The following KLRB1 variants were observed in gnomAD, a reference collection of about 807,000 sequenced individuals.
The protein encoded by KLRB1 is killer cell lectin-like receptor subfamily B member 1.
Under a neutral mutation model 33.5 loss-of-function variants are expected in KLRB1, and 27 were observed. The observed-to-expected ratio is 0.81, with a 90% confidence interval of 0.59 to 1.11. KLRB1 has a LOEUF of 1.11. Among genes scored for constraint, KLRB1 ranks in the 50% most tolerant of loss-of-function variants. The pLI, the probability that KLRB1 is intolerant of heterozygous loss-of-function variation, is 0.00. For missense variants in KLRB1, 241 were observed against 254.1 expected, an observed-to-expected ratio of 0.95 and a Z score of 0.35; for synonymous variants, 64 against 88.9, an observed-to-expected ratio of 0.72 and a Z score of 1.58.
chr12:9,607,866 C>T lies in KLRB1; in HGVS notation c.-27G>A, dbSNP rs760848328. 22 of 1,521,548 alleles carry T rather than the reference C, an allele frequency of 1.4e-5. No homozygotes were observed. In the East Asian group the frequency reaches 3.4e-4, roughly 23 times the overall value. 94.3% of individuals were successfully genotyped at this position (1,521,548 alleles called of 1,614,324 possible). Reference sequence around the variant, plus strand: ...GCAGACAGAGGAAGGTGGCATTAAACTTGTGTGTAAGAACAAACTCTCAAT... The same window carrying T: ...GCAGACAGAGGAAGGTGGCATTAAATTTGTGTGTAAGAACAAACTCTCAAT... On this transcript the variant is annotated 5_prime_UTR_variant, in exon 1 of 6. Transcript: ENST00000229402.
At chr12:9,603,974 A>G (rs1864573270) in intron 1 of KLRB1, among the ~76,000 whole-genome samples, 2 of 152,000 alleles carry the variant, frequency 1.3e-5, no homozygotes, top group African/African-American at 4.8e-5. Flanking sequence ...TGTCTGGCAC[A>G]TGGTAACTGT....
At chr12:9,595,529 ATT>A in intron 5 of KLRB1, 108 bp from the exon 6 acceptor site, 2 of 1,021,332 alleles carry the variant, frequency 2.0e-6, no homozygotes, top group Non-Finnish European at 3.0e-6. Flanking sequence ...ATGATAAACT[ATT>A]AAACAAAGAA....
intron 1 of KLRB1, among the ~76,000 whole-genome samples, chr12:9,604,533 C>G (rs752366730): frequency 3.3e-5 from 5 of 152,162 alleles, no homozygotes; most frequent in Non-Finnish European, 5.9e-5. Context: ...TACGCTCACT[C>G]TCCACGCAGA....
chr12:9,602,528 TG>T (rs1864557062), intron 1 of KLRB1, among the ~76,000 whole-genome samples: 1 of 152,132 alleles, frequency 6.6e-6, no homozygotes, highest in Non-Finnish European at 1.5e-5. Flanking sequence ...TCAGTTACAC[TG>T]CTAGAAGTTG....
intron 1 of KLRB1, among the ~76,000 whole-genome samples, chr12:9,604,645 C>T (rs74062901): frequency 0.056 from 8,578 of 152,156 alleles, 799 homozygotes; most frequent in African/African-American, 0.19. Flanking sequence ...GTCTTTGTCC[C>T]TCACTTCTGT....
In KLRB1 at chr12:9,598,577, G is replaced by C; in HGVS notation, c.336C>G (p.Val112=). ...CAGCTAGACTGTTATTCCAAGGGTTGACAGTGTGAGAAAATAACAAGCATT... is the reference window on the plus strand; with the variant it reads ...CAGCTAGACTGTTATTCCAAGGGTTCACAGTGTGAGAAAATAACAAGCATT... ...REKCLLFSHT[V]NPWNNSLADC... The change falls in exon 4 of 6, where the codon GTC becomes GTG. Residue 112 remains valine (V), a synonymous_variant. Coordinates refer to ENST00000229402, the MANE Select transcript of KLRB1 (RefSeq NM_002258.3). 6.2e-7 allele frequency: 1 copy of C among 1,612,808 alleles called. No homozygotes were observed. Among genetic ancestry groups the C allele is most frequent in the Non-Finnish European group, 8.5e-7 (1 of 1,178,994 alleles).
At chr12:9,603,216 A>G (rs17805438) in intron 1 of KLRB1, among the ~76,000 whole-genome samples, 2,716 of 152,270 alleles carry the variant, frequency 0.018, 25 homozygotes, top group Middle Eastern at 0.027. Context: ...TAGAACTTCT[A>G]ATGAGAGCTG....
At chr12:9,596,541 C>A (rs1035323654) in intron 5 of KLRB1, among the ~76,000 whole-genome samples, 1 of 152,164 alleles carries the variant, frequency 6.6e-6, no homozygotes, top group Non-Finnish European at 1.5e-5. Flanking sequence ...CCTTGCCTTG[C>A]AAATAAAAGC....
intron 1 of KLRB1, among the ~76,000 whole-genome samples, chr12:9,607,409 C>CTTTCTTTCT (rs1565444761): frequency 2.3e-5 from 2 of 88,104 alleles, no homozygotes; most frequent in Non-Finnish European, 4.7e-5. Context: ...TCTTTCTTTT[C>CTTTCTTTCT]TTTCTTTCTT....
chr12:9,595,218 G>T lies in KLRB1; in HGVS notation c.*56C>A. The T allele has an allele frequency of 6.6e-7, 1 of 1,510,282 alleles. No individual in the cohort carries two copies. The allele number at this position is 1,510,282 out of a possible 1,614,324, so 93.6% of individuals were successfully genotyped here. ...TTAGGTAGTACCAATAGTATGTGCA[G>T]CTACAAGTACAGAGATCAGTAATGG... On this transcript the variant is annotated 3_prime_UTR_variant, in exon 6 of 6. Coordinates refer to ENST00000229402, the MANE Select transcript of KLRB1 (RefSeq NM_002258.3).
At chr12:9,605,522 G>T (rs1864589641) in intron 1 of KLRB1, among the ~76,000 whole-genome samples, 3 of 152,220 alleles carry the variant, frequency 2.0e-5, no homozygotes, top group Non-Finnish European at 4.4e-5. Context: ...CAGAGTAGGA[G>T]CTTATTTTTT....
At chr12:9,607,343 TCTTTCTTTCTTC>T (rs1417272710) in intron 1 of KLRB1, among the ~76,000 whole-genome samples, 1,597 of 68,036 alleles carry the variant, frequency 0.023, 40 homozygotes, top group Middle Eastern at 0.034. Flanking sequence ...TTCCTTTCTT[TCTTTCTTTCTTC>T]CTTTCTTTCT....
At chr12:9,597,178 C>G (rs753113093) in intron 5 of KLRB1, among the ~76,000 whole-genome samples, 1 of 152,068 alleles carries the variant, frequency 6.6e-6, no homozygotes, top group South Asian at 2.1e-4. Flanking sequence ...AGATTTTAAC[C>G]TCTTGTTTTT....
intron 2 of KLRB1, 53 bp downstream of exon 2, chr12:9,601,448 A>G (rs2191965): frequency 0.059 from 77,757 of 1,328,818 alleles, 6,488 homozygotes; most frequent in African/African-American, 0.39. Flanking sequence ...GCTCTAAGAT[A>G]CGTAATGGAA....
chr12:9,607,767 A>G lies in KLRB1; in HGVS notation c.73T>C (p.Ser25Pro), dbSNP rs779033858. Residue 25 changes from serine to proline, a missense_variant, in exon 1 of 6, where the codon TCT (serine) becomes CCT (proline). Ser to Pro is a moderately conservative substitution (Grantham distance 74). Transcript: ENST00000229402. ...DSGPESSSPS[S>P]LPRDVCQGSP... is the part of the protein sequence containing the mutation. ...TAAAGCCACTTACCCCGAGGAAGAG[A>G]TGAAGGTGAAGAACTTTCTGGGCCT... 1.7e-5 allele frequency: 28 copies of G among 1,611,496 alleles called. No homozygotes were observed. Among genetic ancestry groups the G allele is most frequent in the Non-Finnish European group, 2.3e-5 (27 of 1,177,822 alleles).
rs1864640762 is a variant in KLRB1 at position 9,607,781 on chromosome 12, C to G, written c.59G>C (p.Ser20Thr). The G allele has an allele frequency of 6.2e-7, 1 of 1,613,446 alleles. No individual in the cohort carries two copies. The highest frequency in any genetic ancestry group is 1.1e-5 in the South Asian group (1 of 91,070). Residue 20 changes from serine to threonine, a missense_variant, in exon 1 of 6, where the codon AGT becomes ACT. Ser to Thr is a moderately conservative substitution (Grantham distance 58). Coordinates refer to ENST00000229402, the MANE Select transcript of KLRB1 (RefSeq NM_002258.3). ...CCGAGGAAGAGATGAAGGTGAAGAA[C>G]TTTCTGGGCCTGAGTCTGTGGGTAA... ...LNLPTDSGPE[S>T]SSPSSLPRDV... is the part of the protein sequence containing the mutation.
chr12:9,601,647 A>G (rs765412261), intron 1 of KLRB1, 48 bp from the exon 2 acceptor site: 21 of 1,264,462 alleles, frequency 1.7e-5, no homozygotes, highest in African/African-American at 2.9e-5. Context: ...CAAACGAAAC[A>G]AAAAACCTTG....
rs755920774 is a variant in KLRB1 at position 9,607,746 on chromosome 12, G to A, written c.85+9C>T. ...TACAAATGCCGAAAGGAAAATTAAA[G>A]CCACTTACCCCGAGGAAGAGATGAA... On this transcript the variant is annotated intron_variant, in intron 1 of 5. Coordinates refer to ENST00000229402, the MANE Select transcript of KLRB1 (RefSeq NM_002258.3). 2.1e-5 allele frequency: 34 copies of A among 1,594,762 alleles called. No individual in the cohort carries two copies. In the South Asian group the frequency reaches 3.3e-4, roughly 16 times the overall value.
intron 1 of KLRB1, chr12:9,607,543 A>T (rs1232789132): frequency 8.3e-6 from 4 of 484,198 alleles, no homozygotes; most frequent in Non-Finnish European, 1.1e-5. Context: ...TTTGCTTTTC[A>T]TGCTAACTTG....
Sources: allele counts gnomAD v4.1 joint callset (sites outside exome capture counted in the v4.1 genomes callset), GRCh38; gene constraint gnomAD v4.1.1; transcripts MANE v1.5; gene names NCBI Gene and HGNC (gene_info 2026-07-23, HGNC 2026-07-21).